The following NIN variants were observed in gnomAD, a reference collection of about 807,000 sequenced individuals.
NIN encodes the protein glycogen synthase kinase 3 beta-interacting protein.
A neutral mutation model predicts 257.6 loss-of-function variants in NIN; 137 were observed. The observed-to-expected ratio is 0.53, with a 90% CI of 0.46 to 0.61. The LOEUF (loss-of-function observed/expected upper bound fraction) is 0.61. Among genes scored for constraint, NIN ranks in the 20% least tolerant of loss-of-function variants. NIN has a pLI of 0.00. For synonymous variants in NIN, 918 were observed against 919.8 expected (o/e 1.00, Z 0.04); for missense variants, 2,439 against 2,501.2 (o/e 0.98, Z 0.53).
At chr14:50,803,682 A>T (rs2044195383) in intron 4 of NIN, among the ~76,000 whole-genome samples, 1 of 152,112 alleles carries the variant, frequency 6.6e-6, no homozygotes. Context: ...TTGGGCCTCT[A>T]ATTGCTCATG....
At chr14:50,806,176 C>A (rs1252202665) in intron 4 of NIN, 2 of 152,178 alleles carry the variant, frequency 1.3e-5, no homozygotes, top group Non-Finnish European at 2.9e-5. Flanking sequence ...AATATTAAGT[C>A]TTTTATTTCG....
chr14:50,802,822 C>A (rs1372188840), intron 4 of NIN, among the ~76,000 whole-genome samples: 2 of 152,192 alleles, frequency 1.3e-5, no homozygotes, highest in Non-Finnish European at 2.9e-5. Flanking sequence ...TAACTCCTCA[C>A]TCAAGGGTGG....
chr14:50,784,457 T>C (rs1454792592), intron 5 of NIN, among the ~76,000 whole-genome samples: 1 of 152,236 alleles, frequency 6.6e-6, no homozygotes, highest in Non-Finnish European at 1.5e-5. Context: ...GATGGTGTGC[T>C]TCACATTTGG....
At chr14:50,729,952 C>T (rs2040607373) in intron 28 of NIN, among the ~76,000 whole-genome samples, 1 of 152,200 alleles carries the variant, frequency 6.6e-6, no homozygotes, top group Non-Finnish European at 1.5e-5. Context: ...AAGTTTTAGG[C>T]TTAAAAAGCC....
chr14:50,758,437 G>A lies in NIN; in HGVS notation c.2593C>T (p.Leu865Phe). 4 of 1,614,120 alleles carry A rather than the reference G, an allele frequency of 2.5e-6. No homozygotes were observed. Among genetic ancestry groups the A allele is most frequent in the Non-Finnish European group, 3.4e-6 (4 of 1,180,004 alleles). The stretch of plus-strand genomic sequence containing the variant: ...TGGGCTTCCGCACACTCCTGGGTGA[G>A]CTCGTCCTTCTCAAATTCCCACTGG... ...KSQWEFEKDE[L>F]TQECAEAQEL... The change falls in exon 18 of 31, where the codon CTC becomes TTC. Residue 865 changes from leucine to phenylalanine, a missense_variant. Transcript: ENST00000530997.
intron 17 of NIN, among the ~76,000 whole-genome samples, chr14:50,758,901 G>A (rs932003334): frequency 1.3e-5 from 2 of 152,132 alleles, no homozygotes; most frequent in South Asian, 2.1e-4. Context: ...GCACACTCCC[G>A]GATGTATTTG....
At chr14:50,804,910 G>A (rs182913445) in intron 4 of NIN, among the ~76,000 whole-genome samples, 6 of 152,322 alleles carry the variant, frequency 3.9e-5, no homozygotes, top group African/African-American at 7.2e-5. Flanking sequence ...CCCATGGGCC[G>A]TGGGTTGGAC....
At chr14:50,727,539 A>C in intron 29 of NIN, 1 of 1,247,560 alleles carries the variant, frequency 8.0e-7, no homozygotes, top group Non-Finnish European at 1.0e-6. Flanking sequence ...AATACTGCAA[A>C]GGTTTAACAG....
At chr14:50,802,818 C>T (rs1402797165) in intron 4 of NIN, among the ~76,000 whole-genome samples, 1 of 152,192 alleles carries the variant, frequency 6.6e-6, no homozygotes, top group African/African-American at 2.4e-5. Context: ...TTCCTAACTC[C>T]TCACTCAAGG....
intron 4 of NIN, among the ~76,000 whole-genome samples, chr14:50,801,552 G>A (rs2044104407): frequency 2.0e-5 from 3 of 152,106 alleles, no homozygotes; most frequent in Admixed American, 2.0e-4. Context: ...CTAAAATCAG[G>A]GACTTCAGCC....
At chr14:50,798,002 G>C (rs1482726120) in intron 4 of NIN, among the ~76,000 whole-genome samples, 1 of 152,042 alleles carries the variant, frequency 6.6e-6, no homozygotes, top group African/African-American at 2.4e-5. Flanking sequence ...AACGTCTCAA[G>C]GATGGGAAGG....
chr14:50,732,385 A>G (rs2040756815), intron 28 of NIN, among the ~76,000 whole-genome samples: 1 of 152,184 alleles, frequency 6.6e-6, no homozygotes, highest in Admixed American at 6.5e-5. Context: ...GCTGGGACAC[A>G]CTGTGCATCC....
At chr14:50,782,996 G>A (rs2043196213) in intron 5 of NIN, among the ~76,000 whole-genome samples, 2 of 152,122 alleles carry the variant, frequency 1.3e-5, no homozygotes, top group African/African-American at 4.8e-5. Context: ...GCCTTCGAAA[G>A]CCCAGGCAGC....
intron 29 of NIN, 89 bp downstream of exon 29, chr14:50,729,434 T>A: frequency 7.8e-7 from 1 of 1,288,500 alleles, no homozygotes; most frequent in Non-Finnish European, 1.1e-6. Context: ...TAGATTTAGG[T>A]TCTTTCTCTC....
chr14:50,749,091 T>C (rs2041678228), intron 21 of NIN, among the ~76,000 whole-genome samples: 1 of 152,168 alleles, frequency 6.6e-6, no homozygotes, highest in Admixed American at 6.5e-5. Context: ...CAAAACAGCA[T>C]GGTACTGGTA....
intron 4 of NIN, chr14:50,805,940 A>C (rs999503122): frequency 6.6e-6 from 1 of 152,034 alleles, no homozygotes; most frequent in African/African-American, 2.4e-5. Context: ...ACTGTACTGT[A>C]ATATAAATTT....
intron 3 of NIN, among the ~76,000 whole-genome samples, chr14:50,817,612 T>C (rs2044968806): frequency 6.6e-6 from 1 of 152,154 alleles, no homozygotes; most frequent in Admixed American, 6.5e-5. Flanking sequence ...TCTCACTTTA[T>C]AGTGTGCCAG....
intron 27 of NIN, 131 bp from the exon 28 acceptor site, chr14:50,735,748 A>T: frequency 1.7e-6 from 2 of 1,181,022 alleles, no homozygotes; most frequent in East Asian, 2.6e-5. Flanking sequence ...ATTCAGTGAC[A>T]AACAAATAAT....
chr14:50,771,843 G>T, intron 9 of NIN: 1 of 193,048 alleles, frequency 5.2e-6, no homozygotes, highest in Non-Finnish European at 1.1e-5. Context: ...AAAATAGCCG[G>T]GCATGGTGGT....
Sources: allele counts gnomAD v4.1 joint callset (sites outside exome capture counted in the v4.1 genomes callset), GRCh38; gene constraint gnomAD v4.1.1; transcripts MANE v1.5; gene names NCBI Gene and HGNC (gene_info 2026-07-23, HGNC 2026-07-21).